The following AFF4 variants were observed in gnomAD, a reference collection of about 807,000 sequenced individuals.
The protein encoded by AFF4 is AF4/FMR2 family member 4.
A neutral mutation model predicts 124.8 loss-of-function variants in AFF4; 13 were observed. The ratio of observed to expected loss-of-function variants is 0.10; its 90% confidence interval spans 0.07 to 0.17. The LOEUF (loss-of-function observed/expected upper bound fraction) is 0.17, where lower values mean the gene tolerates loss of function less well. Among genes scored for constraint, AFF4 ranks in the 10% least tolerant of loss-of-function variants. AFF4 has a pLI of 1.00. For synonymous variants in AFF4, 477 were observed against 496.1 expected, an observed-to-expected ratio of 0.96 and a Z score of 0.51; for missense variants, 1,092 against 1,403.8, an observed-to-expected ratio of 0.78 and a Z score of 3.55.
In AFF4 at chr5:132,943,527, T is replaced by C. The variant is rs77083226; in HGVS notation, c.-4-6334A>G. The stretch of plus-strand genomic sequence containing the variant: ...TGTCTCTCCAAAATATCTACAAAAT[T>C]GGTGGTATTGGTACTATCTCTGTAG... On this transcript the variant is annotated intron_variant, in intron 1 of 20. Transcript: ENST00000265343. 8.4e-4 allele frequency: 151 copies of C among 179,586 alleles called. No homozygotes were observed. In the East Asian group the frequency reaches 0.02, roughly 23 times the overall value. 11.1% of individuals were successfully genotyped at this position (179,586 alleles called of 1,614,324 possible).
At chr5:132,885,851 G>A (rs1383989559) in intron 18 of AFF4, among the ~76,000 whole-genome samples, 2 of 152,158 alleles carry the variant, frequency 1.3e-5, no homozygotes, top group Non-Finnish European at 2.9e-5. Flanking sequence ...TCGGCTCACT[G>A]CAGCCTCCGC....
intron 5 of AFF4, among the ~76,000 whole-genome samples, chr5:132,916,860 T>C (rs1404484545): frequency 6.6e-6 from 1 of 152,154 alleles, no homozygotes; most frequent in African/African-American, 2.4e-5. Context: ...CATGACCAAG[T>C]AGAGTTTACA....
At chr5:132,926,470 AAC>A (rs1393085441) in intron 5 of AFF4, among the ~76,000 whole-genome samples, 1 of 152,094 alleles carries the variant, frequency 6.6e-6, no homozygotes, top group Non-Finnish European at 1.5e-5. Context: ...TTCTTAAAAC[AAC>A]AGTTTGAGAA....
chr5:132,933,269 T>C (rs974748107), intron 3 of AFF4, among the ~76,000 whole-genome samples: 2 of 151,986 alleles, frequency 1.3e-5, no homozygotes, highest in African/African-American at 4.8e-5. Context: ...TGGTGGCACA[T>C]GCCTGTAATC....
chr5:132,881,415 T>C (rs1759975189), intron 20 of AFF4, among the ~76,000 whole-genome samples: 1 of 152,208 alleles, frequency 6.6e-6, no homozygotes, highest in African/African-American at 2.4e-5. Context: ...AGAAATTAAG[T>C]GTTATATATA....
intron 5 of AFF4, among the ~76,000 whole-genome samples, chr5:132,911,016 G>A (rs1047220493): frequency 1.3e-5 from 2 of 152,164 alleles, no homozygotes; most frequent in Non-Finnish European, 2.9e-5. Flanking sequence ...TGCCAATGAA[G>A]TAGTGGTGTT....
At position 132,879,047 on chromosome 5, in the gene AFF4, A is replaced by T. The variant is rs1404808909; in HGVS notation, c.*2012T>A. 4.5e-6 allele frequency: 1 copy of T among 222,418 alleles called. No homozygotes were observed. Among genetic ancestry groups the T allele is most frequent in the Non-Finnish European group, 9.0e-6 (1 of 111,502 alleles). The allele number at this position is 222,418 out of a possible 1,614,324, so 13.8% of individuals were successfully genotyped here. A position where few individuals can be genotyped will look rare whatever the true frequency, so the allele number is the denominator to read the frequency against. Reference sequence around the variant, plus strand: ...TTGAGAAGTTGTCCTCTTATGGAAAACTGTTCCTAGAACACACTAAGATTA... The same window carrying T: ...TTGAGAAGTTGTCCTCTTATGGAAATCTGTTCCTAGAACACACTAAGATTA... On this transcript the variant is annotated 3_prime_UTR_variant, in exon 21 of 21. Coordinates refer to ENST00000265343, the MANE Select transcript of AFF4 (RefSeq NM_014423.4).
chr5:132,948,760 G>A (rs752452106), intron 1 of AFF4: 37 of 167,790 alleles, frequency 2.2e-4, no homozygotes, highest in Non-Finnish European at 4.6e-4. Flanking sequence ...TTGAAATCAA[G>A]AAAGCGAATT....
chr5:132,934,391 C>G lies in AFF4; in HGVS notation c.674G>C (p.Arg225Pro). ...DPDANWDSPS[R>P]VPFSSGQHST... ...GTGCTGCCCACTTGAAAAAGGTACA[C>G]GGGAAGGAGAATCCCAGTTTGCATC... Residue 225 changes from arginine to proline, a missense_variant, in exon 3 of 21, where the codon CGT (arginine) becomes CCT (proline). Around this residue, in one of 11 missense-constraint regions of AFF4, gnomAD observed 188 missense variants for 203.0 expected, o/e 0.93. Transcript: ENST00000265343. 6.2e-7 allele frequency: 1 copy of G among 1,614,100 alleles called. No homozygotes were observed. The highest frequency in any genetic ancestry group is 8.5e-7 in the Non-Finnish European group (1 of 1,180,024).
chr5:132,895,161 C>T (rs1438800112), intron 11 of AFF4, among the ~76,000 whole-genome samples: 1 of 152,016 alleles, frequency 6.6e-6, no homozygotes, highest in Non-Finnish European at 1.5e-5. Flanking sequence ...GGGCCAGCAG[C>T]CCTAAACAGC....
intron 1 of AFF4, among the ~76,000 whole-genome samples, chr5:132,938,321 G>A (rs917328624): frequency 6.6e-6 from 1 of 150,444 alleles, no homozygotes; most frequent in East Asian, 2.0e-4. Flanking sequence ...GCTGGAGTGC[G>A]GTGGTGCGAT....
At chr5:132,928,222 AAAACAAAAAAAC>A (rs1561499132) in intron 4 of AFF4, among the ~76,000 whole-genome samples, 1 of 152,104 alleles carries the variant, frequency 6.6e-6, no homozygotes, top group African/African-American at 2.4e-5. Context: ...TATTTAAAAA[AAAACAAAAAAAC>A]AAACAAAAAA....
chr5:132,897,033 A>G lies in AFF4; in HGVS notation c.1597T>C (p.Ser533Pro). ...ETSSATPGRD[S>P]KTIQKGSESG... ...TCTGATCCCTTTTGGATGGTTTTGGAGTCTCGTCCCGGAGTAGCGGAACTC... is the reference window on the plus strand; with the variant it reads ...TCTGATCCCTTTTGGATGGTTTTGGGGTCTCGTCCCGGAGTAGCGGAACTC... The change falls in exon 11 of 21, where the codon TCC (serine) becomes CCC (proline). Residue 533 changes from serine to proline, a missense_variant. Transcript: ENST00000265343. The G allele has an allele frequency of 1.2e-6, 2 of 1,614,066 alleles. No individual in the cohort carries two copies. Among genetic ancestry groups the G allele is most frequent in the Non-Finnish European group, 1.7e-6 (2 of 1,180,010 alleles).
At chr5:132,918,549 C>T (rs1760968717) in intron 5 of AFF4, among the ~76,000 whole-genome samples, 1 of 151,482 alleles carries the variant, frequency 6.6e-6, no homozygotes, top group Non-Finnish European at 1.5e-5. Flanking sequence ...GTAATCCCAG[C>T]TACCTGGGAG....
chr5:132,923,583 C>G (rs1234509923), intron 5 of AFF4, among the ~76,000 whole-genome samples: 1 of 151,804 alleles, frequency 6.6e-6, no homozygotes, highest in Admixed American at 6.6e-5. Context: ...GTAAGTCTGG[C>G]ATGGTGGTAA....
intron 5 of AFF4, among the ~76,000 whole-genome samples, chr5:132,908,560 T>C (rs954619912): frequency 6.6e-6 from 1 of 151,880 alleles, no homozygotes; most frequent in African/African-American, 2.4e-5. Flanking sequence ...TTTATTATTT[T>C]TAGCAAATAG....
chr5:132,926,424 G>A (rs572376702), intron 5 of AFF4, among the ~76,000 whole-genome samples: 1 of 152,058 alleles, frequency 6.6e-6, no homozygotes, highest in Admixed American at 6.6e-5. Flanking sequence ...CTCTTTCCAC[G>A]GGACAAGTAT....
chr5:132,928,507 T>C (rs1761229234), intron 4 of AFF4, among the ~76,000 whole-genome samples: 1 of 152,166 alleles, frequency 6.6e-6, no homozygotes, highest in Admixed American at 6.5e-5. Context: ...TTCAAAAACC[T>C]TTGTCTCTCT....
intron 13 of AFF4, chr5:132,891,796 CTATCTTT>C: frequency 3.7e-6 from 1 of 272,200 alleles, no homozygotes; most frequent in Non-Finnish European, 6.6e-6. Flanking sequence ...TGACTGGTTT[CTATCTTT>C]TTTTTTTTTT....
Sources: allele counts gnomAD v4.1 joint callset (sites outside exome capture counted in the v4.1 genomes callset), GRCh38; gene constraint gnomAD v4.1.1; regional missense constraint gnomAD v4.1.1; transcripts MANE v1.5; gene names NCBI Gene and HGNC (gene_info 2026-07-23, HGNC 2026-07-21).